THSD1: variants seen among roughly 807,000 people sequenced by gnomAD.
The protein encoded by THSD1 is thrombospondin type-1 domain-containing protein 1.
A neutral mutation model predicts 46.3 loss-of-function variants in THSD1; 34 were observed. That is an observed-to-expected ratio of 0.74 (90% CI 0.56 to 0.98). The LOEUF (loss-of-function observed/expected upper bound fraction) is 0.98. THSD1 is among the 50% of genes least tolerant of loss of function. The pLI, the probability that THSD1 is intolerant of heterozygous loss-of-function variation, is 0.00. For missense variants in THSD1, 1,023 were observed against 1,058.3 expected, an observed-to-expected ratio of 0.97 and a Z score of 0.46; for synonymous variants, 407 against 416.5, an observed-to-expected ratio of 0.98 and a Z score of 0.28.
chr13:52,383,145 T>G (rs1957705253), intron 4 of THSD1, among the ~76,000 whole-genome samples: 1 of 152,208 alleles, frequency 6.6e-6, no homozygotes, highest in African/African-American at 2.4e-5. Context: ...CCTGTTTATG[T>G]GCCTTCTGAG....
Position 52,377,981 on chromosome 13 carries a change from C to A in THSD1, c.1989G>T (p.Arg663=), listed in dbSNP as rs1401538400. The change falls in exon 5 of 5, where the codon CGG becomes CGT. Residue 663 remains arginine (R), a synonymous_variant. Transcript: ENST00000258613. The part of the protein sequence containing the change: ...TASFHEARQA[R]PFRERSMSTL... Reference sequence around the variant, plus strand: ...TGGACATGCTCCTCTCTCGGAACGGCCGGGCCTGCCTGGCTTCATGGAAAC... The same window carrying A: ...TGGACATGCTCCTCTCTCGGAACGGACGGGCCTGCCTGGCTTCATGGAAAC... 1.2e-6 allele frequency: 2 copies of A among 1,614,166 alleles called. No homozygotes were observed. The highest frequency in any genetic ancestry group is 2.2e-5 in the South Asian group (2 of 91,086).
At chr13:52,404,172 G>A (rs1957889171) in intron 1 of THSD1, among the ~76,000 whole-genome samples, 1 of 149,766 alleles carries the variant, frequency 6.7e-6, no homozygotes, top group Non-Finnish European at 1.5e-5. Flanking sequence ...GGTCTCAGAT[G>A]TCTGGCCTCG....
chr13:52,404,041 A>G (rs187460091), intron 1 of THSD1, among the ~76,000 whole-genome samples: 277 of 137,772 alleles, frequency 2.0e-3, no homozygotes, highest in Middle Eastern at 8.5e-3. Context: ...TCCACCTCCC[A>G]GGTTCAAGTG....
Position 52,378,656 on chromosome 13 carries a change from C to T in THSD1, c.1314G>A (p.Arg438=), listed in dbSNP as rs1249929003. The T allele has an allele frequency of 5.0e-6, 8 of 1,614,078 alleles. No individual in the cohort carries two copies. Among genetic ancestry groups the T allele is most frequent in the Non-Finnish European group, 6.8e-6 (8 of 1,180,026 alleles). The stretch of plus-strand genomic sequence containing the variant: ...TGCTGCACTTGGCTGGCCGGCCGAA[C>T]CTCCTCCACAGCGTGATGAGCACAG... The part of the protein sequence containing the change: ...IATVLITLWR[R]FGRPAKCSTP... The change falls in exon 5 of 5, where the codon AGG becomes AGA. Residue 438 remains arginine (R), a synonymous_variant. Transcript: ENST00000258613.
chr13:52,405,047 G>A (rs1208131207), intron 1 of THSD1, among the ~76,000 whole-genome samples: 1 of 151,992 alleles, frequency 6.6e-6, no homozygotes, highest in Non-Finnish European at 1.5e-5. Flanking sequence ...TCAATACCTC[G>A]ACTGACTTCT....
chr13:52,400,287 T>C (rs1957845849), intron 2 of THSD1, among the ~76,000 whole-genome samples: 1 of 152,108 alleles, frequency 6.6e-6, no homozygotes, highest in Non-Finnish European at 1.5e-5. Context: ...TTTGCTACTT[T>C]AGAGCTCCTG....
In THSD1 at chr13:52,378,760, G is replaced by T; in HGVS notation, c.1210C>A (p.Gln404Lys). The change falls in exon 5 of 5, where the codon CAG (glutamine) becomes AAG (lysine). Residue 404 changes from glutamine (Q) to lysine (K), a missense_variant. Gln to Lys is a moderately conservative substitution (Grantham distance 53). Coordinates refer to ENST00000258613, the MANE Select transcript of THSD1 (RefSeq NM_018676.4). ...AFQPSSPSPL[Q>K]PQGPVKSNNI... ...TTGGACTTCACTGGACCCTGGGGCTGAAGAGGAGATGGGCTGGATGGCTGG... is the reference window on the plus strand; with the variant it reads ...TTGGACTTCACTGGACCCTGGGGCTTAAGAGGAGATGGGCTGGATGGCTGG... The T allele has an allele frequency of 6.2e-7, 1 of 1,607,652 alleles. No individual in the cohort carries two copies. Among genetic ancestry groups the T allele is most frequent in the Non-Finnish European group, 8.5e-7 (1 of 1,178,040 alleles).
intron 4 of THSD1, among the ~76,000 whole-genome samples, chr13:52,384,852 A>T (rs1305081777): frequency 6.6e-6 from 1 of 152,112 alleles, no homozygotes; most frequent in Non-Finnish European, 1.5e-5. Context: ...GGACAACAGT[A>T]TATCACTGAA....
rs1198995613 is a variant in THSD1, at chr13:52,406,118, C to G, written c.-169G>C. On this transcript the variant is annotated 5_prime_UTR_variant, in exon 1 of 5. Coordinates refer to ENST00000258613, the MANE Select transcript of THSD1 (RefSeq NM_018676.4). The stretch of plus-strand genomic sequence containing the variant: ...GCTCAGGGGCGGCGAGGTAGAGCGC[C>G]AAGCATCCCGCGTCCCAGACTGCAC... 1 of 152,216 alleles carries G rather than the reference C, an allele frequency of 6.6e-6. No homozygotes were observed. Among genetic ancestry groups the G allele is most frequent in the Non-Finnish European group, 1.5e-5 (1 of 68,070 alleles). The allele number at this position is 152,216 out of a possible 1,614,324, so 9.4% of individuals were successfully genotyped here.
At chr13:52,405,038 C>G (rs1009357620) in intron 1 of THSD1, among the ~76,000 whole-genome samples, 8 of 152,180 alleles carry the variant, frequency 5.3e-5, no homozygotes, top group African/African-American at 1.9e-4. Flanking sequence ...ATGTTGTTCT[C>G]AATACCTCGA....
In THSD1 at chr13:52,397,584, C is replaced by G; in HGVS notation, c.669G>C (p.Gly223=). 1.9e-6 allele frequency: 3 copies of G among 1,614,160 alleles called. No individual in the cohort carries two copies. Among genetic ancestry groups the G allele is most frequent in the Non-Finnish European group, 2.5e-6 (3 of 1,180,026 alleles). ...AYVTVVLKLL[G]RDSVITSTGP... Reference sequence around the variant, plus strand: ...CTGTGGAGGTAATGACTGAGTCTCGCCCAAGCAGCTTCAGCACCACGGTGA... The same window carrying G: ...CTGTGGAGGTAATGACTGAGTCTCGGCCAAGCAGCTTCAGCACCACGGTGA... The change falls in exon 3 of 5, where the codon GGG becomes GGC. Residue 223 remains glycine (G), a synonymous_variant. Transcript: ENST00000258613.
Position 52,377,743 on chromosome 13 carries a change from G to A in THSD1, c.2227C>T (p.His743Tyr), listed in dbSNP as rs1205506170. 4 of 1,613,926 alleles carry A rather than the reference G, an allele frequency of 2.5e-6. No homozygotes were observed. Among genetic ancestry groups the A allele is most frequent in the Admixed American group, 1.7e-5 (1 of 60,010 alleles). ...QPLRKPDLGD[H>Y]QAGLVAGIER... ...ATTCCGGCCACTAATCCTGCCTGGT[G>A]ATCCCCAAGGTCTGGTTTCCTCAAG... The change falls in exon 5 of 5, where the codon CAC becomes TAC. Residue 743 changes from histidine to tyrosine, a missense_variant. His to Tyr is a moderately conservative substitution (Grantham distance 83). Coordinates refer to ENST00000258613, the MANE Select transcript of THSD1 (RefSeq NM_018676.4).
chr13:52,390,503 T>G (rs757699106), intron 3 of THSD1, among the ~76,000 whole-genome samples: 3 of 152,204 alleles, frequency 2.0e-5, no homozygotes, highest in Non-Finnish European at 4.4e-5. Flanking sequence ...GAGGTCCAAG[T>G]GAACACAATA....
intron 2 of THSD1, chr13:52,398,468 T>C (rs780255198): frequency 4.5e-6 from 4 of 882,362 alleles, no homozygotes; most frequent in Non-Finnish European, 5.4e-6. Context: ...TTTCAAACTC[T>C]TGGGCTCAAG....
chr13:52,399,203 T>C (rs896436512), intron 2 of THSD1, among the ~76,000 whole-genome samples: 1 of 152,234 alleles, frequency 6.6e-6, no homozygotes, highest in African/African-American at 2.4e-5. Flanking sequence ...GGATCAATCA[T>C]ATCTTTTAAA....
chr13:52,399,824 C>T (rs1957840512), intron 2 of THSD1, among the ~76,000 whole-genome samples: 1 of 152,126 alleles, frequency 6.6e-6, no homozygotes. Flanking sequence ...CAGACCCAAC[C>T]TGGTACCTTT....
Position 52,398,605 on chromosome 13 carries a change from G to T in THSD1, c.59-411C>A, listed in dbSNP as rs1425719584. ...CAGGGATGATGTAAAATGATACTGA[G>T]CACAGATCCTGGAAGCTGGCCATTG... On this transcript the variant is annotated intron_variant, in intron 2 of 4. Transcript: ENST00000258613. 4.1e-6 allele frequency: 4 copies of T among 985,224 alleles called. No individual in the cohort carries two copies. In the African/African-American group the frequency reaches 7.0e-5, roughly 17 times the overall value. 61.0% of individuals were successfully genotyped at this position (985,224 alleles called of 1,614,324 possible). A position where few individuals can be genotyped will look rare whatever the true frequency, so the allele number is the denominator to read the frequency against.
At chr13:52,397,177 A>T (rs899414659) in intron 3 of THSD1, 55 bp downstream of exon 3, 3 of 1,437,280 alleles carry the variant, frequency 2.1e-6, no homozygotes, top group Non-Finnish European at 9.4e-7. Context: ...ATTCTAAATA[A>T]TTTTGATTAC....
chr13:52,379,609 G>A (rs1957675815), intron 4 of THSD1, among the ~76,000 whole-genome samples: 1 of 152,064 alleles, frequency 6.6e-6, no homozygotes, highest in Non-Finnish European at 1.5e-5. Flanking sequence ...TGAGTAGCTG[G>A]AACTATAGGC....
Sources: gnomAD v4.1 joint callset for allele counts (sites outside exome capture counted in the v4.1 genomes callset) on GRCh38, gnomAD v4.1.1 for gene constraint, MANE v1.5 for transcripts, NCBI Gene and HGNC (gene_info 2026-07-23, HGNC 2026-07-21) for gene names.